The following CDH4 variants were observed in gnomAD, a reference collection of about 807,000 sequenced individuals.
The protein encoded by CDH4 is cadherin-4.
CDH4 carries 33 observed loss-of-function variants against 86.0 expected under a neutral mutation model. The observed-to-expected ratio is 0.38, with a 90% CI of 0.29 to 0.51. The LOEUF is 0.51. Among genes scored for constraint, CDH4 ranks in the 20% least tolerant of loss-of-function variants. CDH4 has a pLI of 0.86. For synonymous variants in CDH4, 555 were observed against 549.4 expected (o/e 1.01, Z -0.14); for missense variants, 1,114 against 1,307.4 (o/e 0.85, Z 2.28).
chr20:61,831,727 G>A (rs898347691), intron 4 of CDH4, among the ~76,000 whole-genome samples: 10 of 152,242 alleles, frequency 6.6e-5, no homozygotes, highest in African/African-American at 1.2e-4. Context: ...GGCGGGGTGG[G>A]GGGACAGGGA....
At chr20:61,671,254 G>A (rs1054921849) in intron 2 of CDH4, among the ~76,000 whole-genome samples, 1 of 152,198 alleles carries the variant, frequency 6.6e-6, no homozygotes, top group Non-Finnish European at 1.5e-5. Flanking sequence ...CACCTTGGGA[G>A]GCCAAGGCAG....
chr20:61,826,175 C>T (rs898967584), intron 4 of CDH4, among the ~76,000 whole-genome samples: 1 of 152,190 alleles, frequency 6.6e-6, no homozygotes, highest in South Asian at 2.1e-4. Flanking sequence ...CATCCCTTCT[C>T]GTGGGGGTGG....
intron 2 of CDH4, among the ~76,000 whole-genome samples, chr20:61,277,278 C>T (rs1832894075): frequency 6.6e-6 from 1 of 152,242 alleles, no homozygotes; most frequent in African/African-American, 2.4e-5. Flanking sequence ...ATTTCCACCT[C>T]TTTTGTCTCA....
intron 9 of CDH4, among the ~76,000 whole-genome samples, chr20:61,922,889 G>A (rs1478119158): frequency 1.3e-5 from 2 of 152,234 alleles, no homozygotes; most frequent in Non-Finnish European, 2.9e-5. Context: ...CTGAAGCCCT[G>A]GGATTACAGG....
intron 2 of CDH4, among the ~76,000 whole-genome samples, chr20:61,523,170 C>T (rs966861565): frequency 8.5e-5 from 13 of 152,214 alleles, no homozygotes; most frequent in African/African-American, 3.1e-4. Flanking sequence ...GGTGGGAAGG[C>T]GGCTCCATGC....
At chr20:61,591,615 A>G (rs1162436392) in intron 2 of CDH4, among the ~76,000 whole-genome samples, 1 of 152,224 alleles carries the variant, frequency 6.6e-6, no homozygotes, top group African/African-American at 2.4e-5. Context: ...AGTCAACAAG[A>G]GGCAGTTTCC....
intron 2 of CDH4, among the ~76,000 whole-genome samples, chr20:61,531,875 A>C (rs2085957357): frequency 6.6e-6 from 1 of 152,256 alleles, no homozygotes; most frequent in African/African-American, 2.4e-5. Flanking sequence ...TTTTAAAAGC[A>C]GGATTTAGAT....
At chr20:61,808,204 C>T (rs994997953) in intron 4 of CDH4, among the ~76,000 whole-genome samples, 1 of 152,092 alleles carries the variant, frequency 6.6e-6, no homozygotes, top group Non-Finnish European at 1.5e-5. Flanking sequence ...AGCCCCACCC[C>T]AGCCCTGGGT....
At chr20:61,286,581 C>G (rs2084294525) in intron 2 of CDH4, among the ~76,000 whole-genome samples, 2 of 152,224 alleles carry the variant, frequency 1.3e-5, no homozygotes, top group African/African-American at 4.8e-5. Context: ...AAACCTCCTG[C>G]TCGGCAGCTT....
At chr20:61,431,904 T>G (rs761956857) in intron 2 of CDH4, among the ~76,000 whole-genome samples, 2 of 152,152 alleles carry the variant, frequency 1.3e-5, no homozygotes, top group Non-Finnish European at 2.9e-5. Context: ...AATATACTTT[T>G]TTGTGCCGGC....
At chr20:61,700,896 C>T (rs573607839) in intron 2 of CDH4, among the ~76,000 whole-genome samples, 5 of 152,354 alleles carry the variant, frequency 3.3e-5, no homozygotes, top group South Asian at 2.1e-4. Flanking sequence ...TTCAAGGGAA[C>T]GGCGGCTCCC....
chr20:61,253,816 G>A (rs1056766917), intron 1 of CDH4, among the ~76,000 whole-genome samples: 3 of 152,138 alleles, frequency 2.0e-5, no homozygotes, highest in African/African-American at 7.2e-5. Context: ...AAGCATGGGC[G>A]GGCGACGGCA....
intron 2 of CDH4, among the ~76,000 whole-genome samples, chr20:61,312,215 G>A (rs148161331): frequency 0.023 from 3,522 of 150,112 alleles, 62 homozygotes; most frequent in Middle Eastern, 0.083. Context: ...GCATATGTGC[G>A]GTGTGTGTGT....
intron 2 of CDH4, among the ~76,000 whole-genome samples, chr20:61,554,909 A>G (rs2086165005): frequency 2.6e-5 from 4 of 152,256 alleles, no homozygotes; most frequent in African/African-American, 9.6e-5. Context: ...GTGTGCAGAC[A>G]TGTACATGTG....
At chr20:61,282,940 G>T (rs1382184209) in intron 2 of CDH4, among the ~76,000 whole-genome samples, 1 of 53,170 alleles carries the variant, frequency 1.9e-5, no homozygotes, top group Admixed American at 2.3e-4. Context: ...GCACGCGTGT[G>T]CTGTGGCGTG....
intron 4 of CDH4, among the ~76,000 whole-genome samples, chr20:61,834,201 C>G (rs943626855): frequency 3.3e-5 from 5 of 152,230 alleles, no homozygotes; most frequent in Admixed American, 3.3e-4. Flanking sequence ...ACCTCCTTCT[C>G]GGGCCTGACT....
At chr20:61,776,533 T>C (rs4925280) in intron 4 of CDH4, among the ~76,000 whole-genome samples, 79,684 of 151,996 alleles carry the variant, frequency 0.52, 21,089 homozygotes, top group East Asian at 0.71. Context: ...GCTCCTCATA[T>C]CCCCTGACTC....
At chr20:61,404,744 G>A (rs1396305466) in intron 2 of CDH4, among the ~76,000 whole-genome samples, 3 of 151,340 alleles carry the variant, frequency 2.0e-5, no homozygotes, top group Non-Finnish European at 2.9e-5. Context: ...TTTTCCTAGG[G>A]AGAACATTAT....
At chr20:61,449,207 G>C (rs2085367346) in intron 2 of CDH4, among the ~76,000 whole-genome samples, 1 of 152,200 alleles carries the variant, frequency 6.6e-6, no homozygotes, top group Non-Finnish European at 1.5e-5. Flanking sequence ...AGCCAAGGCT[G>C]TCCTCAGAGG....
Sources: allele counts gnomAD v4.1 joint callset (sites outside exome capture counted in the v4.1 genomes callset), GRCh38; gene constraint gnomAD v4.1.1; transcripts MANE v1.5; gene names NCBI Gene and HGNC (gene_info 2026-07-23, HGNC 2026-07-21).